Variants in ANXA3 observed in about 807,000 individuals in gnomAD.
ANXA3 encodes 35-alpha calcimedin.
In ANXA3, 46 loss-of-function variants were observed where a neutral mutation model predicts 48.8. The observed-to-expected ratio is 0.94, with a 90% CI of 0.74 to 1.21. The LOEUF is 1.21. Among genes scored for constraint, ANXA3 ranks in the 50% most tolerant of loss-of-function variants. The probability of loss-of-function intolerance (pLI) is 0.00; values close to 1 mark genes in which losing one functional copy is unlikely to be tolerated. For missense variants in ANXA3, 383 were observed against 378.6 expected, an observed-to-expected ratio of 1.01 and a Z score of -0.10; for synonymous variants, 128 against 134.7, an observed-to-expected ratio of 0.95 and a Z score of 0.35.
chr4:78,560,469 C>G (rs1722605276), intron 2 of ANXA3, among the ~76,000 whole-genome samples: 1 of 152,206 alleles, frequency 6.6e-6, no homozygotes, highest in Non-Finnish European at 1.5e-5. Flanking sequence ...GGGTCCTGGA[C>G]CCAGAGCCTC....
intron 5 of ANXA3, among the ~76,000 whole-genome samples, chr4:78,585,885 C>T (rs1013989631): frequency 2.6e-5 from 4 of 152,182 alleles, no homozygotes; most frequent in Admixed American, 2.0e-4. Context: ...TACAGTGATG[C>T]AAGGATGAAA....
chr4:78,569,519 G>T (rs577743850), intron 2 of ANXA3, among the ~76,000 whole-genome samples: 6 of 152,282 alleles, frequency 3.9e-5, no homozygotes, highest in African/African-American at 1.4e-4. Flanking sequence ...AGAATTCATG[G>T]CTTGTTTGCT....
At position 78,557,964 on chromosome 4, in the gene ANXA3, G is replaced by A. The variant is rs1028378433; in HGVS notation, c.15+3476G>A. Among the ~76,000 whole-genome samples, 21 of 152,324 alleles carry A rather than the reference G, an allele frequency of 1.4e-4. 1 individual carries two copies. In the East Asian group the frequency reaches 2.7e-3, roughly 20 times the overall value. On this transcript the variant is annotated intron_variant, in intron 2 of 12. Transcript: ENST00000264908. The stretch of plus-strand genomic sequence containing the variant: ...TTTTTACAATAGCCAAGAGGTAGAA[G>A]CAGCCCAGTTTCCATTGACAGAAGA...
chr4:78,566,609 C>T (rs1289848227), intron 2 of ANXA3, among the ~76,000 whole-genome samples: 2 of 131,310 alleles, frequency 1.5e-5, no homozygotes, highest in South Asian at 2.3e-4. Context: ...GGGAGCTAAA[C>T]AATGGGTACA....
At chr4:78,602,570 A>C (rs1246640644) in intron 11 of ANXA3, 5 of 152,370 alleles carry the variant, frequency 3.3e-5, no homozygotes, top group African/African-American at 1.2e-4. Context: ...ATGATGCCGT[A>C]ACCCTGTGTT....
At chr4:78,555,521 A>G (rs1722492306) in intron 2 of ANXA3, among the ~76,000 whole-genome samples, 1 of 152,204 alleles carries the variant, frequency 6.6e-6, no homozygotes, top group Non-Finnish European at 1.5e-5. Context: ...CATAAAAAGA[A>G]TTATAAATGT....
chr4:78,604,430 A>ATTT (rs201720405), intron 12 of ANXA3, 31 bp downstream of exon 12: 5 of 1,592,848 alleles, frequency 3.1e-6, no homozygotes, highest in Non-Finnish European at 3.4e-6. Flanking sequence ...AGCAAAACAT[A>ATTT]TTTTGCCCTT....
intron 5 of ANXA3, among the ~76,000 whole-genome samples, chr4:78,584,817 G>C (rs1380964206): frequency 1.3e-5 from 2 of 152,256 alleles, no homozygotes; most frequent in Non-Finnish European, 2.9e-5. Flanking sequence ...AAGAGGCGAA[G>C]AGCAGGGTAG....
Position 78,591,589 on chromosome 4 carries a change from G to T in ANXA3, c.449G>T (p.Gly150Val). ...LGDDISSETSGDFRKALLTLA... is the reference protein window; with the variant it reads ...LGDDISSETSVDFRKALLTLA... ...GATGACATTAGTTCCGAAACATCTG[G>T]TGACTTCCGGAAAGCTCTGTTGACT... Residue 150 changes from glycine to valine, a missense_variant, in exon 7 of 13, where the codon GGT becomes GTT. Transcript: ENST00000264908. 6.2e-7 allele frequency: 1 copy of T among 1,613,690 alleles called. No individual in the cohort carries two copies. Among genetic ancestry groups the T allele is most frequent in the Admixed American group, 1.7e-5 (1 of 59,996 alleles).
At chr4:78,559,777 A>C (rs762992593) in intron 2 of ANXA3, among the ~76,000 whole-genome samples, 11 of 152,212 alleles carry the variant, frequency 7.2e-5, no homozygotes, top group Admixed American at 1.3e-4. Context: ...TTCCTCATCT[A>C]TAAAACAGGT....
chr4:78,584,757 T>C (rs1723139163), intron 5 of ANXA3, among the ~76,000 whole-genome samples: 2 of 152,194 alleles, frequency 1.3e-5, no homozygotes, highest in African/African-American at 4.8e-5. Context: ...GATGGCAAGA[T>C]GGAATTTGAT....
chr4:78,580,228 T>C (rs1486254224), intron 4 of ANXA3, among the ~76,000 whole-genome samples: 1 of 152,188 alleles, frequency 6.6e-6, no homozygotes. Flanking sequence ...GGAATGTCAG[T>C]GAGGGGTTGT....
chr4:78,579,175 C>G, intron 4 of ANXA3, 54 bp downstream of exon 4: 2 of 1,247,230 alleles, frequency 1.6e-6, no homozygotes, highest in Non-Finnish European at 2.3e-6. Flanking sequence ...GTACCATGGT[C>G]GCTCCCACAT....
At chr4:78,607,856 G>T (rs992836699) in intron 12 of ANXA3, among the ~76,000 whole-genome samples, 1 of 152,164 alleles carries the variant, frequency 6.6e-6, no homozygotes, top group Admixed American at 6.5e-5. Flanking sequence ...CAGGTGCTCT[G>T]CTGGAGCATT....
chr4:78,570,435 C>T (rs1399875289), intron 2 of ANXA3, among the ~76,000 whole-genome samples: 3 of 152,192 alleles, frequency 2.0e-5, no homozygotes, highest in Non-Finnish European at 4.4e-5. Flanking sequence ...GAATCAGCCA[C>T]GTCAATATCT....
chr4:78,574,977 G>A (rs1411612610), intron 3 of ANXA3, among the ~76,000 whole-genome samples: 3 of 152,140 alleles, frequency 2.0e-5, no homozygotes, highest in Non-Finnish European at 4.4e-5. Context: ...ATTCCTTTCA[G>A]CAATGTACAA....
At position 78,595,402 on chromosome 4, in the gene ANXA3, A is replaced by G. The variant is rs1171894444; in HGVS notation, c.505A>G (p.Lys169Glu). Residue 169 changes from lysine (K) to glutamate (E), a missense_variant, in exon 8 of 13, where the codon AAA (lysine) becomes GAA (glutamate). Transcript: ENST00000264908. ...TTAGGGCAGAAGAGATGAAAGTCTG[A>G]AAGTGGATGAGCATCTGGCCAAACA... ...LADGRRDESL[K>E]VDEHLAKQDA... 6.2e-6 allele frequency: 10 copies of G among 1,613,204 alleles called. No homozygotes were observed. Among genetic ancestry groups the G allele is most frequent in the Non-Finnish European group, 6.8e-6 (8 of 1,179,812 alleles).
intron 12 of ANXA3, among the ~76,000 whole-genome samples, chr4:78,605,516 T>C (rs1280251483): frequency 1.3e-5 from 2 of 152,256 alleles, no homozygotes; most frequent in African/African-American, 4.8e-5. Context: ...GCCTTTTGTC[T>C]GGTCATATTT....
At chr4:78,595,357 C>T (rs773780380) in intron 7 of ANXA3, 24 bp from the exon 8 acceptor site, 14 of 1,613,242 alleles carry the variant, frequency 8.7e-6, no homozygotes, top group East Asian at 2.2e-5. Flanking sequence ...AAAGGATGGC[C>T]CTTGTTTTCG....
Sources: gnomAD v4.1 joint callset for allele counts (sites outside exome capture counted in the v4.1 genomes callset) on GRCh38, gnomAD v4.1.1 for gene constraint, MANE v1.5 for transcripts, NCBI Gene and HGNC (gene_info 2026-07-23, HGNC 2026-07-21) for gene names.